The following COL24A1 variants were observed in gnomAD, a reference collection of about 807,000 sequenced individuals.
COL24A1 encodes the protein collagen alpha-1(XXIV) chain.
COL24A1 carries 224 observed loss-of-function variants against 253.9 expected under a neutral mutation model. That is an observed-to-expected ratio of 0.88 (90% CI 0.79 to 0.99). The LOEUF (loss-of-function observed/expected upper bound fraction) is 0.99. COL24A1 is among the 50% of genes least tolerant of loss of function. COL24A1 has a pLI of 0.00. For synonymous variants in COL24A1, 685 were observed against 673.7 expected, an observed-to-expected ratio of 1.02 and a Z score of -0.26; for missense variants, 2,131 against 2,068.5, an observed-to-expected ratio of 1.03 and a Z score of -0.59.
intron 28 of COL24A1, among the ~76,000 whole-genome samples, chr1:85,898,444 A>G (rs1175687003): frequency 6.6e-6 from 1 of 152,188 alleles, no homozygotes; most frequent in Non-Finnish European, 1.5e-5. Context: ...ACTGATCCTG[A>G]TAAAGCCATA....
chr1:85,993,325 G>A (rs972335315), intron 19 of COL24A1, among the ~76,000 whole-genome samples: 2 of 151,862 alleles, frequency 1.3e-5, no homozygotes, highest in African/African-American at 4.8e-5. Context: ...AAAATGGTAA[G>A]TGGATAAACT....
chr1:86,063,732 C>A lies in COL24A1; in HGVS notation c.1735G>T (p.Gly579Ter). The change falls in exon 8 of 60, where the codon GGA becomes TGA. Residue 579 changes from glycine to a stop codon, truncating the protein, a stop_gained. Coordinates refer to ENST00000370571, the MANE Select transcript of COL24A1 (RefSeq NM_152890.7). LOFTEE classifies it high-confidence loss of function. Reference protein sequence around the residue: ...KGLKGHPGLPGLPGEQGIPGF... With the variant: ...KGLKGHPGLP ...GTACCTACTTGTTCACCTGGAAGTCCTGGGAGTCCAGGATGTCCTTTGAGA... is the reference window on the plus strand; with the variant it reads ...GTACCTACTTGTTCACCTGGAAGTCATGGGAGTCCAGGATGTCCTTTGAGA... The A allele has an allele frequency of 6.4e-7, 1 of 1,552,012 alleles. No homozygotes were observed. The highest frequency in any genetic ancestry group is 8.7e-7 in the Non-Finnish European group (1 of 1,148,632).
chr1:85,988,654 G>A (rs1693953943), intron 19 of COL24A1, among the ~76,000 whole-genome samples: 1 of 152,074 alleles, frequency 6.6e-6, no homozygotes, highest in African/African-American at 2.4e-5. Flanking sequence ...ATTAAAACGT[G>A]AACATCCACA....
At chr1:85,800,580 A>T (rs1275987206) in intron 47 of COL24A1, among the ~76,000 whole-genome samples, 1 of 152,206 alleles carries the variant, frequency 6.6e-6, no homozygotes, top group Non-Finnish European at 1.5e-5. Context: ...GGTTTGGAAA[A>T]TGAGCAGAAT....
intron 47 of COL24A1, among the ~76,000 whole-genome samples, chr1:85,797,082 C>T (rs1325364334): frequency 6.6e-6 from 1 of 151,666 alleles, no homozygotes; most frequent in Non-Finnish European, 1.5e-5. Flanking sequence ...TGGTGGGCGC[C>T]TGTAGTCCCA....
rs1214813606 is a variant in COL24A1 at position 85,875,224 on chromosome 1, G to A, written c.3084+53C>T. ...AGGGGATTCAATGGTAGCAAATGTAGGGGGTTCAATGGTGAAAGTTTAGAG... is the reference window on the plus strand; with the variant it reads ...AGGGGATTCAATGGTAGCAAATGTAAGGGGTTCAATGGTGAAAGTTTAGAG... On this transcript the variant is annotated intron_variant, in intron 34 of 59. Coordinates refer to ENST00000370571, the MANE Select transcript of COL24A1 (RefSeq NM_152890.7). 5 of 1,456,260 alleles carry A rather than the reference G, an allele frequency of 3.4e-6. No homozygotes were observed. In the East Asian group the frequency reaches 6.8e-5, roughly 20 times the overall value. The allele number at this position is 1,456,260 out of a possible 1,614,324, so 90.2% of individuals were successfully genotyped here.
intron 37 of COL24A1, among the ~76,000 whole-genome samples, chr1:85,850,127 T>C (rs1158514994): frequency 1.3e-5 from 2 of 152,172 alleles, no homozygotes; most frequent in African/African-American, 2.4e-5. Flanking sequence ...TTAAAAGTTT[T>C]CAATATACAC....
intron 32 of COL24A1, among the ~76,000 whole-genome samples, chr1:85,878,587 G>A (rs1681470403): frequency 6.6e-6 from 1 of 152,118 alleles, no homozygotes; most frequent in Non-Finnish European, 1.5e-5. Context: ...CAACTCATTT[G>A]GGTAAACACT....
Position 85,744,725 on chromosome 1 carries a change from C to T in COL24A1, c.4613G>A (p.Arg1538Gln), listed in dbSNP as rs371171500. Reference protein sequence around the residue: ...LHSIKNPLGTRDNPARICKDL... With the variant: ...LHSIKNPLGTQDNPARICKDL... ...TTTGCAGATTCGTGCTGGGTTATCTCGTGTGCCAAGAGGATTCTTGATGCT... is the reference window on the plus strand; with the variant it reads ...TTTGCAGATTCGTGCTGGGTTATCTTGTGTGCCAAGAGGATTCTTGATGCT... Residue 1538 changes from arginine to glutamine, a missense_variant, in exon 57 of 60, where the codon CGA (arginine) becomes CAA (glutamine). Physicochemically the swap from Arg to Gln is conservative, Grantham distance 43. Coordinates refer to ENST00000370571, the MANE Select transcript of COL24A1 (RefSeq NM_152890.7). 62 of 1,608,412 alleles carry T rather than the reference C, an allele frequency of 3.9e-5. No homozygotes were observed. The African/African-American group carries it at 4.4e-4, about 11-fold the overall frequency.
At chr1:85,757,066 A>G in intron 55 of COL24A1, among the ~76,000 whole-genome samples, 1 of 152,176 alleles carries the variant, frequency 6.6e-6, no homozygotes, top group Admixed American at 6.5e-5. Context: ...GGAGGAATTG[A>G]GAGTTATTAC....
At chr1:85,882,949 T>C (rs1682031805) in intron 32 of COL24A1, among the ~76,000 whole-genome samples, 1 of 152,174 alleles carries the variant, frequency 6.6e-6, no homozygotes, top group African/African-American at 2.4e-5. Flanking sequence ...TAGCATGGTA[T>C]ACTTTCCTTC....
At chr1:85,804,483 G>C (rs1017177965) in intron 47 of COL24A1, among the ~76,000 whole-genome samples, 1 of 152,158 alleles carries the variant, frequency 6.6e-6, no homozygotes, top group East Asian at 1.9e-4. Flanking sequence ...TCACGCTGCT[G>C]ATAAACACAC....
At chr1:86,115,482 C>A in intron 3 of COL24A1, 104 bp from the exon 4 acceptor site, 1 of 1,036,376 alleles carries the variant, frequency 9.6e-7, no homozygotes, top group Non-Finnish European at 1.4e-6. Context: ...TTTCAGTCCC[C>A]AGTTCCCAGC....
intron 19 of COL24A1, among the ~76,000 whole-genome samples, chr1:85,990,744 G>C (rs570005815): frequency 1.3e-5 from 2 of 152,132 alleles, no homozygotes; most frequent in Non-Finnish European, 2.9e-5. Context: ...ACTTCAACAA[G>C]GATAAGAACT....
At position 85,961,030 on chromosome 1, in the gene COL24A1, T is replaced by C. The variant is rs537845541; in HGVS notation, c.2562+219A>G. The C allele has an allele frequency of 1.2e-4, 58 of 483,956 alleles. No homozygotes were observed. The East Asian group carries it at 2.2e-3, about 18-fold the overall frequency. The allele number at this position is 483,956 out of a possible 1,614,324, so 30.0% of individuals were successfully genotyped here. ...TTTCTGAGGTCACAAATATACTTTA[T>C]ATTGGATGAAAATGTCATCAATTGT... On this transcript the variant is annotated intron_variant, in intron 24 of 59. Coordinates refer to ENST00000370571, the MANE Select transcript of COL24A1 (RefSeq NM_152890.7).
intron 10 of COL24A1, among the ~76,000 whole-genome samples, chr1:86,052,663 G>GT (rs1453469622): frequency 2.0e-5 from 3 of 151,870 alleles, no homozygotes; most frequent in Middle Eastern, 3.2e-3. Context: ...GGTGGCAATG[G>GT]TTGTACAACA....
intron 52 of COL24A1, among the ~76,000 whole-genome samples, chr1:85,776,139 AT>A (rs1295235421): frequency 2.6e-5 from 4 of 152,106 alleles, no homozygotes; most frequent in Non-Finnish European, 5.9e-5. Flanking sequence ...TATGTTGTAT[AT>A]GTTTCCGTGC....
At chr1:85,733,567 A>G (rs765538430) in intron 59 of COL24A1, among the ~76,000 whole-genome samples, 9 of 151,946 alleles carry the variant, frequency 5.9e-5, no homozygotes, top group Non-Finnish European at 1.0e-4. Flanking sequence ...GATTTTTCAT[A>G]GTAACTGTCA....
At position 86,022,565 on chromosome 1, in the gene COL24A1, T is replaced by C. The variant is rs957247538; in HGVS notation, c.2175A>G (p.Leu725=). 6.2e-7 allele frequency: 1 copy of C among 1,613,006 alleles called. No individual in the cohort carries two copies. Among genetic ancestry groups the C allele is most frequent in the Admixed American group, 1.7e-5 (1 of 59,898 alleles). The part of the protein sequence containing the change: ...DKGEQGTAGE[L]GEPGYPGDKG... The stretch of plus-strand genomic sequence containing the variant: ...TGTCTCCAGGATACCCGGGTTCTCC[T>C]AGCTCTCCTGCTGTGCCTTGTTCAC... The change falls in exon 17 of 60, where the codon CTA becomes CTG. Residue 725 remains leucine, a synonymous_variant. Coordinates refer to ENST00000370571, the MANE Select transcript of COL24A1 (RefSeq NM_152890.7).
Sources: allele counts gnomAD v4.1 joint callset (sites outside exome capture counted in the v4.1 genomes callset), GRCh38; gene constraint gnomAD v4.1.1; transcripts MANE v1.5; gene names NCBI Gene and HGNC (gene_info 2026-07-23, HGNC 2026-07-21).